Variants in DNAH9 observed in about 807,000 individuals in gnomAD.
DNAH9 encodes dynein axonemal heavy chain 9.
In DNAH9, 345 loss-of-function variants were observed where a neutral mutation model predicts 471.6. The observed-to-expected ratio is 0.73, with a 90% confidence interval of 0.67 to 0.80. The LOEUF is 0.80. Ranked by LOEUF, DNAH9 falls within the 30% of genes least tolerant of loss-of-function variation. The pLI, the probability that DNAH9 is intolerant of heterozygous loss-of-function variation, is 0.00. For synonymous variants in DNAH9, 2,093 were observed against 2,123.6 expected (o/e 0.99, Z 0.40); for missense variants, 5,407 against 5,609.2 (o/e 0.96, Z 1.15).
chr17:11,783,244 A>G (rs1333230885), intron 39 of DNAH9, among the ~76,000 whole-genome samples: 2 of 152,206 alleles, frequency 1.3e-5, no homozygotes, highest in African/African-American at 4.8e-5. Context: ...TGGCCCAACC[A>G]GAGATGGAAG....
chr17:11,772,408 T>G (rs1295002836), intron 38 of DNAH9, among the ~76,000 whole-genome samples: 1 of 152,186 alleles, frequency 6.6e-6, no homozygotes, highest in Non-Finnish European at 1.5e-5. Flanking sequence ...TCATTCTCAC[T>G]CTGGATCTCT....
chr17:11,902,948 A>G (rs767080717), intron 60 of DNAH9, 36 bp downstream of exon 60: 1 of 1,595,546 alleles, frequency 6.3e-7, no homozygotes, highest in East Asian at 2.2e-5. Context: ...CAGCATAGGC[A>G]TGGGGCAAGG....
At position 11,608,252 on chromosome 17, in the gene DNAH9, A is replaced by G; in HGVS notation, c.541A>G (p.Lys181Glu). 1.2e-6 allele frequency: 2 copies of G among 1,614,002 alleles called. No homozygotes were observed. The highest frequency in any genetic ancestry group is 2.2e-5 in the South Asian group (2 of 91,062). The change falls in exon 2 of 69, where the codon AAG (lysine) becomes GAG (glutamate). Residue 181 changes from lysine to glutamate, a missense_variant. Lys to Glu is a moderately conservative substitution (Grantham distance 56). This residue lies in a region of DNAH9 where 767 missense variants were observed against 692.5 expected (regional missense o/e 1.11). Transcript: ENST00000262442. ...CCTCTCAGTTATACTTGAGCAAGTG[A>G]AGGGAAAAACTTTGCTGCCTCTTCC... ...CDLSVILEQV[K>E]GKTLLPLPAG...
intron 67 of DNAH9, among the ~76,000 whole-genome samples, chr17:11,961,402 T>C (rs533366553): frequency 1.3e-5 from 2 of 152,234 alleles, no homozygotes; most frequent in East Asian, 3.9e-4. Context: ...CCCTTAAAGT[T>C]GATTACATAT....
At chr17:11,816,868 C>T (rs958450124) in intron 45 of DNAH9, among the ~76,000 whole-genome samples, 12 of 152,014 alleles carry the variant, frequency 7.9e-5, no homozygotes, top group African/African-American at 2.9e-4. Context: ...TAGTGTTTCC[C>T]AACTTTCGGT....
intron 2 of DNAH9, 91 bp from the exon 3 acceptor site, chr17:11,610,305 G>T: frequency 3.0e-6 from 3 of 996,526 alleles, no homozygotes; most frequent in East Asian, 2.6e-5. Flanking sequence ...TTTAAATTTG[G>T]GATTCTGTCT....
Position 11,813,833 on chromosome 17 carries a change from A to G in DNAH9, c.8707+3464A>G, listed in dbSNP as rs576033918. Among the ~76,000 whole-genome samples, 105 of 152,378 alleles carry G rather than the reference A, an allele frequency of 6.9e-4. 1 individual carries two copies. The South Asian group carries it at 0.018, about 26-fold the overall frequency. On this transcript the variant is annotated intron_variant, in intron 45 of 68. Coordinates refer to ENST00000262442, the MANE Select transcript of DNAH9 (RefSeq NM_001372.4). Reference sequence around the variant, plus strand: ...CCCATCTTTATGCCAGTTGTATCTCAGATGGATTATAGATGGACATGAAGA... The same window carrying G: ...CCCATCTTTATGCCAGTTGTATCTCGGATGGATTATAGATGGACATGAAGA...
In DNAH9 at chr17:11,604,895, G is replaced by A. The variant is rs565187309; in HGVS notation, c.418-3234G>A. Reference sequence around the variant, plus strand: ...TTTGCCCCTTAGAGCCTATAATCACGGCAGCTTGGTTGATCCTACTCAAAA... The same window carrying A: ...TTTGCCCCTTAGAGCCTATAATCACAGCAGCTTGGTTGATCCTACTCAAAA... On this transcript the variant is annotated intron_variant, in intron 1 of 68. Coordinates refer to ENST00000262442, the MANE Select transcript of DNAH9 (RefSeq NM_001372.4). 3.3e-5 allele frequency among the ~76,000 whole-genome samples: 5 copies of A among 152,182 alleles called. No homozygotes were observed. The South Asian group carries it at 8.3e-4, about 25-fold the overall frequency.
At chr17:11,785,939 G>T (rs930939536) in intron 41 of DNAH9, among the ~76,000 whole-genome samples, 19 of 152,186 alleles carry the variant, frequency 1.2e-4, no homozygotes, top group African/African-American at 4.6e-4. Flanking sequence ...CCTCAGGACT[G>T]GACAGCAGCA....
intron 53 of DNAH9, among the ~76,000 whole-genome samples, chr17:11,877,568 G>A (rs547831802): frequency 6.7e-6 from 1 of 148,910 alleles, no homozygotes; most frequent in African/African-American, 2.5e-5. Context: ...ATCCACTCCA[G>A]CAAACAGCCA....
At chr17:11,750,348 A>G (rs1392831946) in intron 32 of DNAH9, among the ~76,000 whole-genome samples, 4 of 152,120 alleles carry the variant, frequency 2.6e-5, no homozygotes, top group Non-Finnish European at 2.9e-5. Context: ...TTTATTTGTT[A>G]TCTGTTTTTT....
At chr17:11,794,907 C>T (rs190335719) in intron 42 of DNAH9, among the ~76,000 whole-genome samples, 3 of 131,526 alleles carry the variant, frequency 2.3e-5, no homozygotes, top group Admixed American at 1.9e-4. Context: ...GGGAACATCA[C>T]ACACAGGGGC....
chr17:11,813,853 T>A (rs546495807), intron 45 of DNAH9, among the ~76,000 whole-genome samples: 6 of 152,330 alleles, frequency 3.9e-5, no homozygotes, highest in Non-Finnish European at 8.8e-5. Flanking sequence ...TAGATGGACA[T>A]GAAGAAATCT....
chr17:11,823,021 G>A lies in DNAH9; in HGVS notation c.9233G>A (p.Ser3078Asn), dbSNP rs576283779. ...RLENGLLKLH[S>N]TSAQVDDLKA... Reference sequence around the variant, plus strand: ...GAGAACGGGCTGCTGAAGCTGCATAGCACCTCTGCCCAGGTGAGCAATGTC... The same window carrying A: ...GAGAACGGGCTGCTGAAGCTGCATAACACCTCTGCCCAGGTGAGCAATGTC... The change falls in exon 48 of 69, where the codon AGC becomes AAC. Residue 3078 changes from serine to asparagine, a missense_variant. Physicochemically the swap from Ser to Asn is conservative, Grantham distance 46 (BLOSUM62 1). This residue lies in a region of DNAH9 where 4,636 missense variants were observed against 4,900.3 expected (regional missense o/e 0.95). Coordinates refer to ENST00000262442, the MANE Select transcript of DNAH9 (RefSeq NM_001372.4). 1.2e-6 allele frequency: 2 copies of A among 1,613,212 alleles called. No individual in the cohort carries two copies. Among genetic ancestry groups the A allele is most frequent in the South Asian group, 1.1e-5 (1 of 90,938 alleles).
At position 11,969,688 on chromosome 17, in the gene DNAH9, G is replaced by A; in HGVS notation, c.*161G>A. On this transcript the variant is annotated 3_prime_UTR_variant, in exon 69 of 69. Transcript: ENST00000262442. ...AGGGAACTTGGAGAGGTGTGCCTAA[G>A]GTGAGGCTGAGCTGAAGGAATGTGG... 1 of 633,754 alleles carries A rather than the reference G, an allele frequency of 1.6e-6. No individual in the cohort carries two copies. Among genetic ancestry groups the A allele is most frequent in the Non-Finnish European group, 2.7e-6 (1 of 371,282 alleles). The allele number at this position is 633,754 out of a possible 1,614,324, so 39.3% of individuals were successfully genotyped here. A position where few individuals can be genotyped will look rare whatever the true frequency, so the allele number is the denominator to read the frequency against.
intron 39 of DNAH9, 150 bp from the exon 40 acceptor site, chr17:11,783,496 T>C (rs1272353125): frequency 3.6e-6 from 2 of 549,524 alleles, no homozygotes; most frequent in Non-Finnish European, 6.5e-6. Context: ...TGTCTTATGC[T>C]CTTATCTCTT....
intron 62 of DNAH9, among the ~76,000 whole-genome samples, chr17:11,926,062 A>AAAAAAAAAAAAAAAG (rs869096043): frequency 1.6e-5 from 2 of 127,616 alleles, no homozygotes. Flanking sequence ...AAAAAAAAAA[A>AAAAAAAAAAAAAAAG]GCTGGGGGGG....
At chr17:11,832,301 A>G (rs1162335069) in intron 48 of DNAH9, among the ~76,000 whole-genome samples, 1 of 152,220 alleles carries the variant, frequency 6.6e-6, no homozygotes, top group Non-Finnish European at 1.5e-5. Context: ...ACCTGAGGTC[A>G]TAAGCCATAT....
intron 61 of DNAH9, among the ~76,000 whole-genome samples, chr17:11,906,809 TGA>T (rs1380348840): frequency 6.6e-6 from 1 of 151,936 alleles, no homozygotes; most frequent in Non-Finnish European, 1.5e-5. Context: ...AAGTGGGAGC[TGA>T]GTGATGAAAA....
Sources: gnomAD v4.1 joint callset for allele counts (sites outside exome capture counted in the v4.1 genomes callset) on GRCh38, gnomAD v4.1.1 for gene constraint, gnomAD v4.1.1 regional missense constraint, MANE v1.5 for transcripts, NCBI Gene and HGNC (gene_info 2026-07-23, HGNC 2026-07-21) for gene names.